TMTC3: variants seen among roughly 807,000 people sequenced by gnomAD.
TMTC3 encodes transmembrane O-mannosyltransferase targeting cadherins 3.
Under a neutral mutation model 92.2 loss-of-function variants are expected in TMTC3, and 52 were observed. The ratio of observed to expected loss-of-function variants is 0.56; its 90% confidence interval spans 0.45 to 0.71. TMTC3 has a LOEUF of 0.71. TMTC3 is among the 30% of genes least tolerant of loss of function. TMTC3 has a pLI of 0.00. For synonymous variants in TMTC3, 339 were observed against 363.3 expected (o/e 0.93, Z 0.76); for missense variants, 896 against 1,057.1 (o/e 0.85, Z 2.11).
At chr12:88,177,241 G>T (rs528128364) in intron 10 of TMTC3, among the ~76,000 whole-genome samples, 2 of 151,576 alleles carry the variant, frequency 1.3e-5, no homozygotes, top group South Asian at 4.2e-4. Flanking sequence ...CACAAGAATC[G>T]CTGGAACCTG....
chr12:88,166,600 A>C lies in TMTC3; in HGVS notation c.1050+18A>C. 6.2e-7 allele frequency: 1 copy of C among 1,601,004 alleles called. No homozygotes were observed. Among genetic ancestry groups the C allele is most frequent in the Non-Finnish European group, 8.5e-7 (1 of 1,175,122 alleles). ...TTTTAATGGTAAGAAACTTTTCTTA[A>C]CTTCCAAATGATGTTAACATTCAGT... is the stretch of plus-strand genomic sequence containing the variant. On this transcript the variant is annotated intron_variant, in intron 7 of 13. Coordinates refer to ENST00000266712, the MANE Select transcript of TMTC3 (RefSeq NM_181783.4).
chr12:88,159,225 C>T (rs935405379), intron 4 of TMTC3, among the ~76,000 whole-genome samples: 1 of 151,964 alleles, frequency 6.6e-6, no homozygotes, highest in Non-Finnish European at 1.5e-5. Flanking sequence ...TTTCACAGTT[C>T]ATTACTCTTT....
chr12:88,194,959 T>C lies in TMTC3; in HGVS notation c.2055T>C (p.Asn685=), dbSNP rs2041491913. 6.2e-7 allele frequency: 1 copy of C among 1,613,684 alleles called. No homozygotes were observed. The highest frequency in any genetic ancestry group is 1.3e-5 in the African/African-American group (1 of 74,866). The change falls in exon 14 of 14, where the codon AAT becomes AAC. Residue 685 remains asparagine, a synonymous_variant. Transcript: ENST00000266712. ...TTGCCATGGATGACAAAAAGGACAATGAAGCAGAGATTTGGATGAAGAAAG... is the reference window on the plus strand; with the variant it reads ...TTGCCATGGATGACAAAAAGGACAACGAAGCAGAGATTTGGATGAAGAAAG... ...GMLAMDDKKD[N]EAEIWMKKAI...
At position 88,194,908 on chromosome 12, in the gene TMTC3, T is replaced by C; in HGVS notation, c.2004T>C (p.Ala668=). The stretch of plus-strand genomic sequence containing the variant: ...ATATAAATGAAGAGCCACTAGATGC[T>C]AATGGGTATTTCAATTTGGGAATGC... ...LSYINEEPLD[A]NGYFNLGMLA... Residue 668 remains alanine (A), a synonymous_variant, in exon 14 of 14, where the codon GCT becomes GCC. Transcript: ENST00000266712. The C allele has an allele frequency of 6.2e-7, 1 of 1,613,720 alleles. No homozygotes were observed. The highest frequency in any genetic ancestry group is 8.5e-7 in the Non-Finnish European group (1 of 1,179,860).
At position 88,153,433 on chromosome 12, in the gene TMTC3, GC is replaced by G; in HGVS notation, c.333del (p.Cys111Ter). 2.5e-6 allele frequency: 4 copies of G among 1,613,590 alleles called. No individual in the cohort carries two copies. The highest frequency in any genetic ancestry group is 3.4e-6 in the Non-Finnish European group (4 of 1,179,764). On this transcript the variant is annotated frameshift_variant, in exon 3 of 14. Transcript: ENST00000266712. LOFTEE classifies it high-confidence loss of function. ...AVVSVIFLKVCKLFLDNKSSV... is the reference protein window; with the variant it reads ...AVVSVIFLKVXKLFLDNKSSV... The stretch of plus-strand genomic sequence containing the variant: ...GTTAGTGTGATATTTCTCAAAGTAT[GC>G]AAACTTTTTCTGGACAACAAGAGTA...
At chr12:88,156,960 A>G (rs1239920303) in intron 4 of TMTC3, among the ~76,000 whole-genome samples, 2 of 151,970 alleles carry the variant, frequency 1.3e-5, no homozygotes, top group African/African-American at 2.4e-5. Flanking sequence ...GTTGTTTTCT[A>G]TACCTTTAAC....
At chr12:88,171,945 T>C (rs1377000729) in intron 7 of TMTC3, among the ~76,000 whole-genome samples, 1 of 152,112 alleles carries the variant, frequency 6.6e-6, no homozygotes, top group Admixed American at 6.6e-5. Context: ...ACTTCCTTAA[T>C]GATAGTGATG....
At chr12:88,179,991 A>G (rs531665239) in intron 10 of TMTC3, among the ~76,000 whole-genome samples, 1 of 152,286 alleles carries the variant, frequency 6.6e-6, no homozygotes, top group African/African-American at 2.4e-5. Flanking sequence ...AGCTTTTGCA[A>G]AACCTCCTGG....
chr12:88,185,053 AT>A (rs1182874302), intron 10 of TMTC3, among the ~76,000 whole-genome samples: 3 of 152,160 alleles, frequency 2.0e-5, no homozygotes, highest in African/African-American at 7.2e-5. Context: ...TTGAGTTGTA[AT>A]TTTTTAATAG....
intron 7 of TMTC3, among the ~76,000 whole-genome samples, chr12:88,169,907 C>G (rs922728530): frequency 4.4e-4 from 65 of 148,392 alleles, no homozygotes. Context: ...CCACTATACT[C>G]TATCCTGGAT....
At chr12:88,144,343 C>T (rs898813519) in intron 1 of TMTC3, among the ~76,000 whole-genome samples, 1 of 151,962 alleles carries the variant, frequency 6.6e-6, no homozygotes, top group Non-Finnish European at 1.5e-5. Flanking sequence ...ATGTCATACA[C>T]TATGCTGACT....
At chr12:88,185,205 C>T (rs1304943788) in intron 10 of TMTC3, among the ~76,000 whole-genome samples, 2 of 152,090 alleles carry the variant, frequency 1.3e-5, no homozygotes, top group African/African-American at 4.8e-5. Context: ...CCTCAAATTC[C>T]TTGGATCCTT....
chr12:88,182,811 A>G (rs137985670), intron 10 of TMTC3, among the ~76,000 whole-genome samples: 3 of 152,308 alleles, frequency 2.0e-5, no homozygotes, highest in Non-Finnish European at 2.9e-5. Context: ...GCACTTCCCA[A>G]TGAAATCAGT....
At chr12:88,189,596 C>T (rs747678029) in intron 11 of TMTC3, among the ~76,000 whole-genome samples, 26 of 152,020 alleles carry the variant, frequency 1.7e-4, no homozygotes, top group South Asian at 4.1e-4. Context: ...AGATACATCT[C>T]TTACTATATT....
At position 88,176,308 on chromosome 12, in the gene TMTC3, A is replaced by C. The variant is rs750369085; in HGVS notation, c.1421A>C (p.His474Pro). ...RALKYFLQAT[H>P]VQPDDIGAHM... ...TTGAAATACTTCTTACAGGCTACCC[A>C]TGTTCAGCCAGGTAAGCATTATTAA... Residue 474 changes from histidine to proline, a missense_variant, in exon 10 of 14, where the codon CAT becomes CCT. His to Pro is a moderately conservative substitution (Grantham distance 77, BLOSUM62 -2). Coordinates refer to ENST00000266712, the MANE Select transcript of TMTC3 (RefSeq NM_181783.4). The C allele has an allele frequency of 1.9e-6, 3 of 1,607,506 alleles. No individual in the cohort carries two copies. Among genetic ancestry groups the C allele is most frequent in the Admixed American group, 1.7e-5 (1 of 59,122 alleles).
At position 88,154,390 on chromosome 12, in the gene TMTC3, A is replaced by C. The variant is rs2040980912; in HGVS notation, c.508+3A>C. 1.3e-6 allele frequency: 2 copies of C among 1,569,106 alleles called. No individual in the cohort carries two copies. The highest frequency in any genetic ancestry group is 2.1e-5 in the Admixed American group (1 of 47,958). On this transcript the variant is annotated splice_donor_region_variant and intron_variant, in intron 4 of 13. Coordinates refer to ENST00000266712, the MANE Select transcript of TMTC3 (RefSeq NM_181783.4). ...AAAAGGACCAGACAATTCCATAAGT[A>C]CATGTCTCACATTTGATTTTTTTTT...
At chr12:88,188,426 A>G (rs2041402834) in intron 10 of TMTC3, among the ~76,000 whole-genome samples, 1 of 152,100 alleles carries the variant, frequency 6.6e-6, no homozygotes, top group South Asian at 2.1e-4. Context: ...GGTAATAAAA[A>G]TTTCTTCATT....
In TMTC3 at chr12:88,198,493, T is replaced by C; in HGVS notation, c.*2844T>C. 5.0e-6 allele frequency: 2 copies of C among 397,786 alleles called. No homozygotes were observed. Among genetic ancestry groups the C allele is most frequent in the South Asian group, 2.6e-4 (2 of 7,834 alleles). The allele number at this position is 397,786 out of a possible 1,614,324, so 24.6% of individuals were successfully genotyped here. On this transcript the variant is annotated 3_prime_UTR_variant, in exon 14 of 14. Transcript: ENST00000266712. The stretch of plus-strand genomic sequence containing the variant: ...AGAATTAAGTTTCTGGAATTGCACC[T>C]ACATGTTTTCTTATTAACATTCAGA...
intron 6 of TMTC3, 83 bp downstream of exon 6, chr12:88,160,934 T>G (rs964477444): frequency 7.3e-7 from 1 of 1,371,494 alleles, no homozygotes; most frequent in Non-Finnish European, 9.9e-7. Flanking sequence ...AGAAAGTATT[T>G]TATTTTGTTT....
Sources: gnomAD v4.1 joint callset for allele counts (sites outside exome capture counted in the v4.1 genomes callset) on GRCh38, gnomAD v4.1.1 for gene constraint, MANE v1.5 for transcripts, NCBI Gene and HGNC (gene_info 2026-07-23, HGNC 2026-07-21) for gene names.